The following NAV2 variants were observed in gnomAD, a reference collection of about 807,000 sequenced individuals.
NAV2 encodes the protein helicase, APC down-regulated 1.
NAV2 carries 54 observed loss-of-function variants against 223.2 expected under a neutral mutation model. The observed-to-expected ratio is 0.24, with a 90% CI of 0.19 to 0.30. NAV2 has a LOEUF of 0.30. Ranked by LOEUF, NAV2 falls within the 10% of genes least tolerant of loss-of-function variation. The probability of loss-of-function intolerance (pLI) is 1.00; values close to 1 mark genes in which losing one functional copy is unlikely to be tolerated. For missense variants in NAV2, 2,806 were observed against 3,147.5 expected, an observed-to-expected ratio of 0.89 and a Z score of 2.60; for synonymous variants, 1,279 against 1,239.3, an observed-to-expected ratio of 1.03 and a Z score of -0.67.
intron 1 of NAV2, among the ~76,000 whole-genome samples, chr11:19,779,108 C>T (rs1459756118): frequency 6.6e-6 from 1 of 152,160 alleles, no homozygotes; most frequent in East Asian, 1.9e-4. Context: ...CTTTCCTCAA[C>T]AAGGGTCAGG....
intron 1 of NAV2, among the ~76,000 whole-genome samples, chr11:19,824,909 G>C (rs897081731): frequency 6.6e-6 from 1 of 152,172 alleles, no homozygotes; most frequent in Admixed American, 6.5e-5. Flanking sequence ...AGGACAGAAT[G>C]AACACTCTAC....
intron 5 of NAV2, among the ~76,000 whole-genome samples, chr11:19,885,440 C>T (rs1368942261): frequency 6.6e-6 from 1 of 152,218 alleles, no homozygotes; most frequent in Admixed American, 6.5e-5. Context: ...TCACACTGCC[C>T]TTGTGGCATC....
chr11:19,803,900 C>T lies in NAV2; in HGVS notation c.268-28584C>T, dbSNP rs553251394. On this transcript the variant is annotated intron_variant, in intron 1 of 37. Transcript: ENST00000349880. ...GTGGCTTATCGAATTGGAAAGTGGT[C>T]AAACAAACATGGCCCTTGTCTAGGA... 1.9e-4 allele frequency among the ~76,000 whole-genome samples: 29 copies of T among 152,312 alleles called. 1 individual carries two copies. In the South Asian group the frequency reaches 5.6e-3, roughly 29 times the overall value.
chr11:19,892,380 A>G (rs1302819774), intron 5 of NAV2, 54 bp from the exon 6 acceptor site: 17 of 1,556,256 alleles, frequency 1.1e-5, no homozygotes, highest in Admixed American at 7.0e-5. Flanking sequence ...TTCTTCCTAC[A>G]CACTGTTATT....
chr11:19,423,919 C>A (rs1266673428), intron 1 of NAV2, among the ~76,000 whole-genome samples: 2 of 152,046 alleles, frequency 1.3e-5, no homozygotes, highest in Non-Finnish European at 2.9e-5. Context: ...AGCTGAGAAT[C>A]GTAGAATAAT....
At chr11:19,803,164 AT>A (rs1368939503) in intron 1 of NAV2, among the ~76,000 whole-genome samples, 1 of 152,162 alleles carries the variant, frequency 6.6e-6, no homozygotes, top group Non-Finnish European at 1.5e-5. Flanking sequence ...CCTTCTGTTC[AT>A]TCTTGGCACC....
At chr11:20,004,998 G>T (rs944414128) in intron 11 of NAV2, among the ~76,000 whole-genome samples, 4 of 151,992 alleles carry the variant, frequency 2.6e-5, no homozygotes, top group Non-Finnish European at 4.4e-5. Flanking sequence ...AGGCTTACTT[G>T]CGATAATCCC....
intron 1 of NAV2, among the ~76,000 whole-genome samples, chr11:19,519,367 A>T (rs1382035460): frequency 6.6e-6 from 1 of 151,970 alleles, no homozygotes; most frequent in East Asian, 1.9e-4. Context: ...GGCTGTCCTA[A>T]CTCTTTATGC....
intron 1 of NAV2, among the ~76,000 whole-genome samples, chr11:19,381,530 T>C (rs1053044087): frequency 1.3e-5 from 2 of 152,230 alleles, no homozygotes; most frequent in Non-Finnish European, 2.9e-5. Context: ...CCTGACTCTT[T>C]CCAGAGATGA....
chr11:19,524,887 A>G (rs2043796002), intron 1 of NAV2, among the ~76,000 whole-genome samples: 1 of 152,160 alleles, frequency 6.6e-6, no homozygotes, highest in Non-Finnish European at 1.5e-5. Flanking sequence ...GACTTCAGCT[A>G]ACAGACACAG....
chr11:19,598,782 T>C (rs1373324968), intron 1 of NAV2, among the ~76,000 whole-genome samples: 1 of 152,174 alleles, frequency 6.6e-6, no homozygotes, highest in African/African-American at 2.4e-5. Context: ...CGGCCTCTTA[T>C]GGGAAGGACT....
intron 1 of NAV2, chr11:19,502,988 T>G (rs2043006737): frequency 6.6e-6 from 1 of 152,246 alleles, no homozygotes. Context: ...GGACTTCGCC[T>G]CTGGATTGGA....
chr11:19,686,287 G>A (rs1033514469), intron 1 of NAV2, among the ~76,000 whole-genome samples: 2 of 152,140 alleles, frequency 1.3e-5, no homozygotes, highest in African/African-American at 4.8e-5. Flanking sequence ...CTGTCTCTCA[G>A]AATCAACCTT....
chr11:20,040,905 A>G (rs1194547400), intron 12 of NAV2, among the ~76,000 whole-genome samples: 1 of 152,106 alleles, frequency 6.6e-6, no homozygotes, highest in African/African-American at 2.4e-5. Flanking sequence ...TCCGGCATGT[A>G]GCTCATGAAG....
intron 36 of NAV2, 60 bp downstream of exon 36, chr11:20,107,842 T>G: frequency 8.7e-7 from 1 of 1,154,804 alleles, no homozygotes; most frequent in Non-Finnish European, 1.3e-6. Context: ...GGTGACCAGA[T>G]GAGTTGTCTT....
intron 1 of NAV2, among the ~76,000 whole-genome samples, chr11:19,477,409 G>A (rs1223753092): frequency 6.6e-6 from 1 of 152,208 alleles, no homozygotes; most frequent in South Asian, 2.1e-4. Flanking sequence ...GATTTATTGA[G>A]TGGGATTACT....
intron 1 of NAV2, among the ~76,000 whole-genome samples, chr11:19,389,624 T>C (rs930831160): frequency 2.2e-4 from 33 of 152,356 alleles, no homozygotes; most frequent in African/African-American, 7.7e-4. Context: ...CACTGTGTTG[T>C]GCCTCATAAG....
At chr11:19,853,630 T>C (rs889386570) in intron 3 of NAV2, among the ~76,000 whole-genome samples, 1 of 152,254 alleles carries the variant, frequency 6.6e-6, no homozygotes, top group Non-Finnish European at 1.5e-5. Context: ...GCCTTGTACA[T>C]TCTTTTTTCT....
At chr11:19,789,902 G>A (rs749661171) in intron 1 of NAV2, among the ~76,000 whole-genome samples, 5 of 152,234 alleles carry the variant, frequency 3.3e-5, no homozygotes, top group South Asian at 4.2e-4. Context: ...GCAAAGTCCC[G>A]ACTTCTTCTC....
Sources: gnomAD v4.1 joint callset for allele counts (sites outside exome capture counted in the v4.1 genomes callset) on GRCh38, gnomAD v4.1.1 for gene constraint, MANE v1.5 for transcripts, NCBI Gene and HGNC (gene_info 2026-07-23, HGNC 2026-07-21) for gene names.